CX3CR1: variants seen among roughly 807,000 people sequenced by gnomAD.
CX3CR1 encodes CX3C chemokine receptor 1.
For missense variants in CX3CR1, 363 were observed against 432.4 expected, an observed-to-expected ratio of 0.84 and a Z score of 1.42; for synonymous variants, 168 against 178.5, an observed-to-expected ratio of 0.94 and a Z score of 0.47.
the CX3CR1 span, chr3:39,287,099 A>G: frequency 6.6e-6 from 1 of 152,210 alleles, no homozygotes; most frequent in South Asian, 2.1e-4. Flanking sequence ...ACTTTTGTCC[A>G]TCTCTATTCT....
chr3:39,269,394 C>T (rs939648012), intron 1 of CX3CR1, among the ~76,000 whole-genome samples: 26 of 152,098 alleles, frequency 1.7e-4, no homozygotes, highest in Admixed American at 5.2e-4. Flanking sequence ...TCCATATAAG[C>T]TGGGGGTGGT....
chr3:39,284,914 C>T (rs2040934545), upstream of CX3CR1, among the ~76,000 whole-genome samples: 2 of 152,152 alleles, frequency 1.3e-5, no homozygotes, highest in South Asian at 2.1e-4. Flanking sequence ...GGACCAGACA[C>T]GTTGAGGGTC....
the CX3CR1 span, among the ~76,000 whole-genome samples, chr3:39,290,334 C>T: frequency 3.9e-5 from 6 of 151,922 alleles, no homozygotes; most frequent in African/African-American, 1.5e-4. Context: ...TCCCTCATGC[C>T]GATCAGAGGT....
chr3:39,284,050 A>T (rs2040928654), upstream of CX3CR1, among the ~76,000 whole-genome samples: 1 of 151,776 alleles, frequency 6.6e-6, no homozygotes. Context: ...ACATGCCTGT[A>T]TCAAAGCATT....
chr3:39,281,499 T>G, upstream of CX3CR1: 2 of 970,864 alleles, frequency 2.1e-6, no homozygotes, highest in Middle Eastern at 2.1e-4. Context: ...CCCACATCAG[T>G]AATCCCCTCC....
At chr3:39,292,656 C>T in the CX3CR1 span, among the ~76,000 whole-genome samples, 4 of 152,174 alleles carry the variant, frequency 2.6e-5, no homozygotes, top group Non-Finnish European at 5.9e-5. Context: ...TTGTTTAATC[C>T]TCCAGCAATG....
At chr3:39,289,248 G>A in the CX3CR1 span, among the ~76,000 whole-genome samples, 149 of 152,248 alleles carry the variant, frequency 9.8e-4, 1 homozygote, top group African/African-American at 3.5e-3. Flanking sequence ...TCTGAGTAGG[G>A]TAATGAGGGT....
chr3:39,281,950 C>T (rs1336462759), upstream of CX3CR1, among the ~76,000 whole-genome samples: 2 of 152,182 alleles, frequency 1.3e-5, no homozygotes, highest in Admixed American at 1.3e-4. Context: ...AGTTGCCTTG[C>T]CCCCAAGCCC....
At chr3:39,269,826 C>T (rs1355593565) in intron 1 of CX3CR1, among the ~76,000 whole-genome samples, 2 of 152,224 alleles carry the variant, frequency 1.3e-5, no homozygotes, top group Non-Finnish European at 2.9e-5. Context: ...TGGGTGCTCA[C>T]CCAGCATATC....
chr3:39,277,182 G>C (rs1281278368), intron 1 of CX3CR1, among the ~76,000 whole-genome samples: 3 of 152,178 alleles, frequency 2.0e-5, no homozygotes, highest in Non-Finnish European at 4.4e-5. Flanking sequence ...AAGCTAAAAA[G>C]CTGCACTTTG....
In CX3CR1 at chr3:39,278,655, C is replaced by CTTTTTT. The variant is rs55908068; in HGVS notation, c.-10+1293_-10+1298dup. Reference sequence around the variant, plus strand: ...TCAAAAATTAATTTTTTTTTCTTTTCTTTTTTTTTTTTTTTTTTGTGGAGT... The same window carrying CTTTTTT: ...TCAAAAATTAATTTTTTTTTCTTTTCTTTTTTTTTTTTTTTTTTTTTTTTGTGGAGT... On this transcript the variant is annotated intron_variant, in intron 1 of 1. Coordinates refer to ENST00000399220, the MANE Select transcript of CX3CR1 (RefSeq NM_001337.4). Among the ~76,000 whole-genome samples the CTTTTTT allele has an allele frequency of 3.1e-4, 32 of 103,712 alleles. 1 individual carries two copies. The highest frequency in any genetic ancestry group is 9.7e-4 in the African/African-American group (26 of 26,812). The allele number at this position is 103,712 out of a possible 152,430, so 68.0% of individuals were successfully genotyped here. A position where few individuals can be genotyped will look rare whatever the true frequency, so the allele number is the denominator to read the frequency against.
At chr3:39,279,393 A>T (rs2040872645) in intron 1 of CX3CR1, among the ~76,000 whole-genome samples, 1 of 152,160 alleles carries the variant, frequency 6.6e-6, no homozygotes, top group Non-Finnish European at 1.5e-5. Context: ...ATACAAATTT[A>T]AAAACTCTTT....
intron 1 of CX3CR1, among the ~76,000 whole-genome samples, chr3:39,274,519 C>T (rs1448588023): frequency 6.8e-6 from 1 of 146,244 alleles, no homozygotes; most frequent in Non-Finnish European, 1.5e-5. Flanking sequence ...ACAGGAGAAT[C>T]CTATTGGGTT....
At chr3:39,267,285 A>G (rs539194078) in intron 1 of CX3CR1, among the ~76,000 whole-genome samples, 17 of 152,198 alleles carry the variant, frequency 1.1e-4, no homozygotes, top group African/African-American at 3.9e-4. Context: ...GCAATTCTCC[A>G]TCCTCTTCCT....
the CX3CR1 span, among the ~76,000 whole-genome samples, chr3:39,291,003 C>G: frequency 6.6e-6 from 1 of 152,012 alleles, no homozygotes; most frequent in Non-Finnish European, 1.5e-5. Flanking sequence ...CCTATGCTTA[C>G]TTTATCTTAC....
the CX3CR1 span, among the ~76,000 whole-genome samples, chr3:39,292,497 G>C: frequency 6.6e-6 from 1 of 152,134 alleles, no homozygotes; most frequent in Non-Finnish European, 1.5e-5. Context: ...TGCAAAGCAG[G>C]GTTTTTTAGG....
chr3:39,265,835 C>A lies in CX3CR1; in HGVS notation c.675G>T (p.Lys225Asn), dbSNP rs756353554. ...IQTLFSCKNH[K>N]KAKAIKLILL... is the part of the protein sequence containing the mutation. ...GGATCAGTTTAATGGCTTTGGCTTT[C>A]TTGTGGTTCTTGCAGGAAAACAGCG... The change falls in exon 2 of 2, where the codon AAG (lysine) becomes AAT (asparagine). Residue 225 changes from lysine to asparagine, a missense_variant. Lys to Asn is a moderately conservative substitution (Grantham distance 94). Coordinates refer to ENST00000399220, the MANE Select transcript of CX3CR1 (RefSeq NM_001337.4). The A allele has an allele frequency of 1.3e-5, 21 of 1,614,096 alleles. No homozygotes were observed. Among genetic ancestry groups the A allele is most frequent in the Non-Finnish European group, 1.7e-5 (20 of 1,180,038 alleles).
intron 1 of CX3CR1, among the ~76,000 whole-genome samples, chr3:39,274,101 A>C (rs1343513983): frequency 6.6e-6 from 1 of 152,190 alleles, no homozygotes; most frequent in Non-Finnish European, 1.5e-5. Context: ...GAGCTGGATC[A>C]GTTGATCAAG....
chr3:39,271,126 G>A (rs747537503), intron 1 of CX3CR1, among the ~76,000 whole-genome samples: 9 of 152,116 alleles, frequency 5.9e-5, no homozygotes, highest in African/African-American at 2.2e-4. Context: ...GAAGACCCAC[G>A]TCCTCTTCAG....
Sources: gnomAD v4.1 joint callset for allele counts (sites outside exome capture counted in the v4.1 genomes callset) on GRCh38, gnomAD v4.1.1 for gene constraint, MANE v1.5 for transcripts, NCBI Gene and HGNC (gene_info 2026-07-23, HGNC 2026-07-21) for gene names.